Variants in GALNTL6 observed in about 807,000 individuals in gnomAD.
The protein encoded by GALNTL6 is polypeptide N-acetylgalactosaminyltransferase like 6.
In GALNTL6, 46 loss-of-function variants were observed where a neutral mutation model predicts 73.7. The observed-to-expected ratio is 0.62, with a 90% CI of 0.49 to 0.80. The LOEUF (loss-of-function observed/expected upper bound fraction) is 0.80. Among genes scored for constraint, GALNTL6 ranks in the 30% least tolerant of loss-of-function variants. The pLI, the probability that GALNTL6 is intolerant of heterozygous loss-of-function variation, is 0.00. For synonymous variants in GALNTL6, 259 were observed against 263.7 expected, an observed-to-expected ratio of 0.98 and a Z score of 0.17; for missense variants, 604 against 755.0, an observed-to-expected ratio of 0.80 and a Z score of 2.34.
At chr4:172,219,222 T>TATATAA (rs1483226525) in intron 2 of GALNTL6, among the ~76,000 whole-genome samples, 1 of 141,884 alleles carries the variant, frequency 7.0e-6, no homozygotes, top group African/African-American at 2.5e-5. Flanking sequence ...TATATATATA[T>TATATAA]AATCCTTCTG....
chr4:171,940,851 AT>A (rs1373191653), intron 2 of GALNTL6, among the ~76,000 whole-genome samples: 197 of 145,072 alleles, frequency 1.4e-3, no homozygotes, highest in African/African-American at 4.5e-3. Context: ...AAATAAATAA[AT>A]AAATAAATAA....
chr4:172,828,765 C>T (rs1358006109), intron 7 of GALNTL6, among the ~76,000 whole-genome samples: 1 of 152,134 alleles, frequency 6.6e-6, no homozygotes, highest in African/African-American at 2.4e-5. Flanking sequence ...AGGAACCAGG[C>T]TAAAGTCCAC....
At chr4:172,093,742 T>A (rs1474157627) in intron 2 of GALNTL6, among the ~76,000 whole-genome samples, 1 of 152,132 alleles carries the variant, frequency 6.6e-6, no homozygotes. Flanking sequence ...GCACTCTCCT[T>A]GTGAGAAGAA....
At chr4:172,260,816 A>G (rs139978732) in intron 3 of GALNTL6, among the ~76,000 whole-genome samples, 108 of 151,342 alleles carry the variant, frequency 7.1e-4, no homozygotes, top group African/African-American at 2.4e-3. Flanking sequence ...ATCATAAAGG[A>G]AAACTGGAGA....
At chr4:172,514,234 G>C (rs1186147927) in intron 5 of GALNTL6, among the ~76,000 whole-genome samples, 6 of 152,174 alleles carry the variant, frequency 3.9e-5, no homozygotes, top group Non-Finnish European at 7.3e-5. Context: ...TGAGGGCAGG[G>C]TTAGGAATGC....
intron 2 of GALNTL6, among the ~76,000 whole-genome samples, chr4:172,143,146 A>C (rs963129586): frequency 1.3e-5 from 2 of 152,044 alleles, no homozygotes; most frequent in Admixed American, 1.3e-4. Context: ...AGGGTGTCCA[A>C]ATCTACTTAG....
chr4:172,583,893 CAAAAAAAAAAAA>C (rs57722016), intron 5 of GALNTL6, among the ~76,000 whole-genome samples: 1 of 31,618 alleles, frequency 3.2e-5, no homozygotes, highest in Non-Finnish European at 7.6e-5. Context: ...GACTCTGTCT[CAAAAAAAAAAAA>C]AAAAAAAAAA....
intron 2 of GALNTL6, among the ~76,000 whole-genome samples, chr4:172,152,899 C>T (rs916753462): frequency 5.9e-5 from 9 of 152,284 alleles, no homozygotes; most frequent in East Asian, 3.9e-4. Context: ...CGTGAGCCAC[C>T]GTGCCAGACC....
chr4:173,020,502 G>C (rs748336018), intron 11 of GALNTL6, among the ~76,000 whole-genome samples: 1 of 152,074 alleles, frequency 6.6e-6, no homozygotes, highest in Non-Finnish European at 1.5e-5. Flanking sequence ...GGAGGTCTCT[G>C]TGTGTGTGTG....
intron 5 of GALNTL6, among the ~76,000 whole-genome samples, chr4:172,665,267 A>T (rs184105451): frequency 6.6e-6 from 1 of 152,332 alleles, no homozygotes; most frequent in African/African-American, 2.4e-5. Flanking sequence ...GCCTCTGCTT[A>T]TCAATCTCTC....
intron 5 of GALNTL6, among the ~76,000 whole-genome samples, chr4:172,687,809 A>G (rs1318536044): frequency 6.6e-6 from 1 of 152,132 alleles, no homozygotes; most frequent in Non-Finnish European, 1.5e-5. Flanking sequence ...AAAAGCCCCT[A>G]AGGAAAACAA....
chr4:172,655,525 T>C (rs778243811), intron 5 of GALNTL6, among the ~76,000 whole-genome samples: 4 of 152,172 alleles, frequency 2.6e-5, no homozygotes, highest in Non-Finnish European at 5.9e-5. Flanking sequence ...AGGCTTAGAA[T>C]GGGTAAGTAA....
chr4:172,289,970 T>C (rs2111097639), intron 3 of GALNTL6, among the ~76,000 whole-genome samples: 1 of 152,328 alleles, frequency 6.6e-6, no homozygotes, highest in Admixed American at 6.5e-5. Flanking sequence ...CTTATCTAAA[T>C]CATACTGTAA....
chr4:172,050,281 T>G (rs1431233940), intron 2 of GALNTL6, among the ~76,000 whole-genome samples: 1 of 152,160 alleles, frequency 6.6e-6, no homozygotes, highest in East Asian at 1.9e-4. Context: ...TAGTCCCAAC[T>G]TCCCCAATGG....
rs1317683755 is a variant in GALNTL6 at position 172,813,691 on chromosome 4, G to A, written c.891G>A (p.Glu297=). 1.5e-5 allele frequency: 24 copies of A among 1,609,400 alleles called. No individual in the cohort carries two copies. The highest frequency in any genetic ancestry group is 2.0e-5 in the Non-Finnish European group (24 of 1,176,530). The stretch of plus-strand genomic sequence containing the variant: ...ACAAAAGAATCCCCATCCCTCCAGA[G>A]CTCCAGAGGGCAGATCCCAGCGACC... ...MYYKRIPIPP[E]LQRADPSDPF... is the part of the protein sequence containing the mutation. The change falls in exon 7 of 13, where the codon GAG becomes GAA. Residue 297 remains glutamate (E), a synonymous_variant. Transcript: ENST00000506823.
chr4:172,601,118 T>A (rs946268177), intron 5 of GALNTL6, among the ~76,000 whole-genome samples: 8 of 152,148 alleles, frequency 5.3e-5, no homozygotes, highest in Non-Finnish European at 7.4e-5. Flanking sequence ...ATGTATTTTT[T>A]AAAAACTAAG....
intron 11 of GALNTL6, among the ~76,000 whole-genome samples, chr4:173,015,971 A>G (rs1322345697): frequency 6.6e-6 from 1 of 152,214 alleles, no homozygotes; most frequent in African/African-American, 2.4e-5. Context: ...GCCGTGTCCC[A>G]GCTGCTTCAG....
intron 8 of GALNTL6, among the ~76,000 whole-genome samples, chr4:172,921,553 T>C (rs1429142897): frequency 6.6e-6 from 1 of 152,178 alleles, no homozygotes; most frequent in Non-Finnish European, 1.5e-5. Context: ...CCCAGTACTT[T>C]GGGAGGCCGA....
rs528656967 is a variant in GALNTL6 at position 172,403,816 on chromosome 4, ATCT to A, written c.553+55132_553+55134del. On this transcript the variant is annotated intron_variant, in intron 5 of 12. Coordinates refer to ENST00000506823, the MANE Select transcript of GALNTL6 (RefSeq NM_001034845.3). ...CTATCAGTCTATTGTAAGCCACTGA[ATCT>A]TCTTTTGTTAGTTCATTTCTTCAGA... 3.2e-3 allele frequency among the ~76,000 whole-genome samples: 484 copies of A among 152,054 alleles called. 1 individual carries two copies. The highest frequency in any genetic ancestry group is 0.011 in the African/African-American group (463 of 41,520).
Sources: allele counts gnomAD v4.1 joint callset (sites outside exome capture counted in the v4.1 genomes callset), GRCh38; gene constraint gnomAD v4.1.1; transcripts MANE v1.5; gene names NCBI Gene and HGNC (gene_info 2026-07-23, HGNC 2026-07-21).